Variants in CNTN3 observed in about 807,000 individuals in gnomAD.
The protein encoded by CNTN3 is contactin-3.
A neutral mutation model predicts 119.1 loss-of-function variants in CNTN3; 60 were observed. The ratio of observed to expected loss-of-function variants is 0.50; its 90% confidence interval spans 0.41 to 0.62. The LOEUF is 0.62. Among genes scored for constraint, CNTN3 ranks in the 20% least tolerant of loss-of-function variants. The probability of loss-of-function intolerance (pLI) is 0.00; values close to 1 mark genes in which losing one functional copy is unlikely to be tolerated. For missense variants in CNTN3, 1,101 were observed against 1,242.4 expected (o/e 0.89, Z 1.71); for synonymous variants, 450 against 438.7 (o/e 1.03, Z -0.32).
intron 11 of CNTN3, among the ~76,000 whole-genome samples, chr3:74,351,638 G>A (rs615772): frequency 0.52 from 79,609 of 152,108 alleles, 23,492 homozygotes; most frequent in African/African-American, 0.82. Flanking sequence ...CTGCATGCCA[G>A]TTAGGCATTA....
At chr3:74,496,837 A>C (rs1051297204) in intron 3 of CNTN3, among the ~76,000 whole-genome samples, 1 of 152,018 alleles carries the variant, frequency 6.6e-6, no homozygotes, top group Non-Finnish European at 1.5e-5. Flanking sequence ...AAGACGAGTA[A>C]TTTCTCTTGA....
At chr3:74,358,209 G>A (rs944377222) in intron 11 of CNTN3, among the ~76,000 whole-genome samples, 4 of 152,060 alleles carry the variant, frequency 2.6e-5, no homozygotes, top group Non-Finnish European at 4.4e-5. Flanking sequence ...GGAACACCAT[G>A]GACCTCTCTT....
At chr3:74,382,067 G>T (rs1298853200) in intron 5 of CNTN3, among the ~76,000 whole-genome samples, 1 of 151,968 alleles carries the variant, frequency 6.6e-6, no homozygotes, top group Non-Finnish European at 1.5e-5. Flanking sequence ...AATTAGCCAG[G>T]CATGGTGGCA....
At chr3:74,508,780 A>C (rs900486779) in intron 2 of CNTN3, among the ~76,000 whole-genome samples, 2 of 152,152 alleles carry the variant, frequency 1.3e-5, no homozygotes, top group African/African-American at 4.8e-5. Context: ...TCTTATCCCC[A>C]ATTTGATAAG....
At position 74,451,362 on chromosome 3, in the gene CNTN3, TTTG is replaced by T. The variant is rs1702150806; in HGVS notation, c.359-26425_359-26423del. On this transcript the variant is annotated intron_variant, in intron 4 of 22. Coordinates refer to ENST00000263665, the MANE Select transcript of CNTN3 (RefSeq NM_020872.3). ...CATTGCCCCCTTTTTGATGGGGTTG[TTTG>T]TTTTTTTCTTGTAAATTTGTTTCAG... Among the ~76,000 whole-genome samples the T allele has an allele frequency of 7.9e-5, 12 of 152,230 alleles. No homozygotes were observed. In the South Asian group the frequency reaches 2.5e-3, roughly 32 times the overall value.
At position 74,297,985 on chromosome 3, in the gene CNTN3, T is replaced by C. The variant is rs201589120; in HGVS notation, c.2373A>G (p.Pro791=). ...YNNKGEGPFS[P]VTTVFSAEEE... Reference sequence around the variant, plus strand: ...CTTCTGCAGAGAACACTGTTGTCACTGGGCTAAATGGTCCTTCACCTTTGT... The same window carrying C: ...CTTCTGCAGAGAACACTGTTGTCACCGGGCTAAATGGTCCTTCACCTTTGT... Residue 791 remains proline (P), a synonymous_variant, in exon 18 of 23, where the codon CCA becomes CCG. Coordinates refer to ENST00000263665, the MANE Select transcript of CNTN3 (RefSeq NM_020872.3). 64 of 1,613,736 alleles carry C rather than the reference T, an allele frequency of 4.0e-5. No homozygotes were observed. The highest frequency in any genetic ancestry group is 4.2e-5 in the Non-Finnish European group (50 of 1,179,762).
At chr3:74,593,887 C>G (rs779398502) in intron 1 of CNTN3, among the ~76,000 whole-genome samples, 9 of 151,918 alleles carry the variant, frequency 5.9e-5, no homozygotes, top group Non-Finnish European at 1.2e-4. Context: ...AATACTCTCC[C>G]ACCTCTGGGC....
chr3:74,290,189 G>A (rs187924253), intron 19 of CNTN3, among the ~76,000 whole-genome samples: 11 of 152,130 alleles, frequency 7.2e-5, no homozygotes, highest in African/African-American at 1.7e-4. Context: ...GCAATTATGC[G>A]AACCTGCATG....
At chr3:74,550,082 C>CAA (rs891506817) in intron 1 of CNTN3, among the ~76,000 whole-genome samples, 1 of 152,140 alleles carries the variant, frequency 6.6e-6, no homozygotes, top group Non-Finnish European at 1.5e-5. Flanking sequence ...AAATCCAGCA[C>CAA]AAAATGGAAG....
rs140454789 is a variant in CNTN3 at position 74,271,328 on chromosome 3, A to G, written c.2705-3950T>C. Among the ~76,000 whole-genome samples, 884 of 152,354 alleles carry G rather than the reference A, an allele frequency of 5.8e-3. 4 individuals carry two copies. Among genetic ancestry groups the G allele is most frequent in the Non-Finnish European group, 9.0e-3 (610 of 68,036 alleles). On this transcript the variant is annotated intron_variant, in intron 20 of 22. Coordinates refer to ENST00000263665, the MANE Select transcript of CNTN3 (RefSeq NM_020872.3). Reference sequence around the variant, plus strand: ...GTATAAGAGAAACTTTTCATAGAACAGAAGTCTGGAAGGAAAGACAAATGA... The same window carrying G: ...GTATAAGAGAAACTTTTCATAGAACGGAAGTCTGGAAGGAAAGACAAATGA...
At chr3:74,302,185 A>G (rs965227738) in intron 14 of CNTN3, among the ~76,000 whole-genome samples, 6 of 152,080 alleles carry the variant, frequency 3.9e-5, no homozygotes, top group Non-Finnish European at 8.8e-5. Flanking sequence ...GTAGTTCCCA[A>G]TCTGATATCT....
At chr3:74,394,477 A>G (rs1419151117) in intron 5 of CNTN3, among the ~76,000 whole-genome samples, 7 of 152,180 alleles carry the variant, frequency 4.6e-5, no homozygotes, top group Non-Finnish European at 7.4e-5. Context: ...TGTACATTTT[A>G]TTGGGAGATG....
At chr3:74,302,833 C>T (rs375357100) in intron 13 of CNTN3, 26 bp from the exon 14 acceptor site, 1 of 1,414,476 alleles carries the variant, frequency 7.1e-7, no homozygotes, top group Admixed American at 1.8e-5. Flanking sequence ...GTAATGAATA[C>T]ACTGTTATTT....
At chr3:74,290,331 A>T (rs1439529902) in intron 19 of CNTN3, among the ~76,000 whole-genome samples, 4 of 152,252 alleles carry the variant, frequency 2.6e-5, no homozygotes, top group Admixed American at 2.6e-4. Flanking sequence ...ATATTCAAAC[A>T]TACATAAACA....
intron 1 of CNTN3, among the ~76,000 whole-genome samples, chr3:74,545,155 C>T (rs937895562): frequency 5.3e-5 from 8 of 152,012 alleles, no homozygotes; most frequent in Admixed American, 3.3e-4. Context: ...AATAATAAAA[C>T]AAAAATAATA....
chr3:74,331,464 T>C (rs1224155203), intron 13 of CNTN3, among the ~76,000 whole-genome samples: 1 of 152,116 alleles, frequency 6.6e-6, no homozygotes. Context: ...TCTCAGAATG[T>C]ATCCCCATCG....
intron 11 of CNTN3, among the ~76,000 whole-genome samples, chr3:74,348,947 G>C (rs1263165584): frequency 6.6e-6 from 1 of 151,956 alleles, no homozygotes; most frequent in Non-Finnish European, 1.5e-5. Context: ...TTACCAAGGT[G>C]TGGTAGCATA....
At position 74,371,297 on chromosome 3, in the gene CNTN3, AC is replaced by A; in HGVS notation, c.556del (p.Val186TrpfsTer13). ...QETGHLYISK[V>X]EPSDVGNYTC... Reference sequence around the variant, plus strand: ...GTAATTTCCCACATCAGACGGCTCCACCTTAGATATGTAGAGGTGCCCTGTC... The same window carrying A: ...GTAATTTCCCACATCAGACGGCTCCACTTAGATATGTAGAGGTGCCCTGTC... On this transcript the variant is annotated frameshift_variant, in exon 6 of 23. Transcript: ENST00000263665. LOFTEE classifies it high-confidence loss of function. The A allele has an allele frequency of 1.2e-6, 2 of 1,613,446 alleles. No individual in the cohort carries two copies. Among genetic ancestry groups the A allele is most frequent in the Non-Finnish European group, 1.7e-6 (2 of 1,179,594 alleles).
intron 4 of CNTN3, among the ~76,000 whole-genome samples, chr3:74,427,514 A>T (rs1022325872): frequency 6.6e-6 from 1 of 152,232 alleles, no homozygotes; most frequent in Non-Finnish European, 1.5e-5. Flanking sequence ...GCTTCAGATC[A>T]TTAAAATATC....
Sources: gnomAD v4.1 joint callset for allele counts (sites outside exome capture counted in the v4.1 genomes callset) on GRCh38, gnomAD v4.1.1 for gene constraint, MANE v1.5 for transcripts, NCBI Gene and HGNC (gene_info 2026-07-23, HGNC 2026-07-21) for gene names.